Variants in OSBPL6 observed in about 807,000 individuals in gnomAD.
The protein encoded by OSBPL6 is oxysterol-binding protein-related protein 6.
In OSBPL6, 49 loss-of-function variants were observed where a neutral mutation model predicts 125.8. The observed-to-expected ratio is 0.39, with a 90% CI of 0.31 to 0.49. OSBPL6 has a LOEUF of 0.49. Ranked by LOEUF, OSBPL6 falls within the 20% of genes least tolerant of loss-of-function variation. The probability of loss-of-function intolerance (pLI) is 0.88; values close to 1 mark genes in which losing one functional copy is unlikely to be tolerated. For synonymous variants in OSBPL6, 394 were observed against 391.8 expected (o/e 1.01, Z -0.07); for missense variants, 986 against 1,135.4 (o/e 0.87, Z 1.89).
chr2:178,289,204 G>T (rs1313270195), intron 2 of OSBPL6, among the ~76,000 whole-genome samples: 1 of 146,684 alleles, frequency 6.8e-6, no homozygotes, highest in African/African-American at 2.5e-5. Context: ...TTTTAGTAGA[G>T]ATGGGGTTTC....
chr2:178,306,869 T>G (rs1371978912), intron 3 of OSBPL6, among the ~76,000 whole-genome samples: 1 of 152,194 alleles, frequency 6.6e-6, no homozygotes, highest in Non-Finnish European at 1.5e-5. Flanking sequence ...TTGCAAGTTA[T>G]TTTTGTTATG....
intron 10 of OSBPL6, among the ~76,000 whole-genome samples, chr2:178,339,328 G>T (rs1366183846): frequency 6.6e-6 from 1 of 152,096 alleles, no homozygotes; most frequent in Non-Finnish European, 1.5e-5. Context: ...AATACATTCA[G>T]TATCTGAATT....
intron 2 of OSBPL6, among the ~76,000 whole-genome samples, chr2:178,302,553 A>G (rs1686392226): frequency 1.3e-5 from 2 of 152,214 alleles, no homozygotes; most frequent in Non-Finnish European, 2.9e-5. Flanking sequence ...AGGGCATCTC[A>G]TTCAACTTTA....
intron 1 of OSBPL6, among the ~76,000 whole-genome samples, chr2:178,266,029 C>T (rs549159319): frequency 6.6e-6 from 1 of 152,188 alleles, no homozygotes; most frequent in Non-Finnish European, 1.5e-5. Context: ...AGGGAACTGA[C>T]GGTTAGGCTG....
intron 17 of OSBPL6, 152 bp downstream of exon 17, chr2:178,383,429 G>A (rs886484612): frequency 1.7e-6 from 2 of 1,166,516 alleles, no homozygotes; most frequent in Admixed American, 2.9e-5. Flanking sequence ...AATCCGGCAA[G>A]GCCAAAACCT....
At chr2:178,229,851 GA>G (rs879927736) in intron 1 of OSBPL6, among the ~76,000 whole-genome samples, 3 of 151,756 alleles carry the variant, frequency 2.0e-5, no homozygotes, top group Non-Finnish European at 2.9e-5. Context: ...GAAAGAAAAA[GA>G]AAAAAAAGAA....
intron 2 of OSBPL6, among the ~76,000 whole-genome samples, chr2:178,295,188 T>A (rs1685637327): frequency 6.6e-6 from 1 of 152,156 alleles, no homozygotes; most frequent in African/African-American, 2.4e-5. Context: ...GCAATTAAAT[T>A]CAGAATGTCC....
At chr2:178,355,175 A>T (rs1691662373) in intron 12 of OSBPL6, among the ~76,000 whole-genome samples, 1 of 152,220 alleles carries the variant, frequency 6.6e-6, no homozygotes, top group Non-Finnish European at 1.5e-5. Context: ...CAATTAAAAG[A>T]ACTAGAGAAG....
At chr2:178,250,908 C>A (rs1352051151) in intron 1 of OSBPL6, among the ~76,000 whole-genome samples, 2 of 151,780 alleles carry the variant, frequency 1.3e-5, no homozygotes, top group East Asian at 1.9e-4. Flanking sequence ...TCTTATGCAC[C>A]CTTGAACCTC....
rs192470627 is a variant in OSBPL6 at position 178,195,667 on chromosome 2, C to G, written c.-351+993C>G. Among the ~76,000 whole-genome samples the G allele has an allele frequency of 6.1e-3, 925 of 152,256 alleles. 5 individuals carry two copies. The highest frequency in any genetic ancestry group is 9.7e-3 in the Non-Finnish European group (661 of 68,028). On this transcript the variant is annotated intron_variant, in intron 1 of 24. Coordinates refer to ENST00000190611, the MANE Select transcript of OSBPL6 (RefSeq NM_032523.4). ...CATAATGGACATGAAGCAAATGACA[C>G]GAAACTAAGTGAACCCACTGGGTTG...
At chr2:178,331,525 G>A in intron 5 of OSBPL6, 27 bp from the exon 6 acceptor site, 13 of 1,613,018 alleles carry the variant, frequency 8.1e-6, no homozygotes, top group Non-Finnish European at 1.1e-5. Context: ...AATACAGACA[G>A]TAACTGGGGG....
chr2:178,270,157 A>C (rs2092344920), intron 1 of OSBPL6, among the ~76,000 whole-genome samples: 1 of 152,168 alleles, frequency 6.6e-6, no homozygotes, highest in African/African-American at 2.4e-5. Flanking sequence ...ACAGGTCTGC[A>C]CCATGGAGAA....
intron 1 of OSBPL6, among the ~76,000 whole-genome samples, chr2:178,240,967 A>G (rs1414092544): frequency 6.6e-6 from 1 of 152,182 alleles, no homozygotes; most frequent in African/African-American, 2.4e-5. Context: ...ATAGTGGGAA[A>G]TAATTATTGA....
chr2:178,237,396 A>G (rs996011406), intron 1 of OSBPL6, among the ~76,000 whole-genome samples: 1 of 151,930 alleles, frequency 6.6e-6, no homozygotes, highest in African/African-American at 2.4e-5. Flanking sequence ...CTTACTGCCT[A>G]TGCTTTCATT....
At chr2:178,247,015 CA>C (rs371171995) in intron 1 of OSBPL6, among the ~76,000 whole-genome samples, 4,551 of 39,204 alleles carry the variant, frequency 0.12, 151 homozygotes, top group African/African-American at 0.41. Context: ...TGCCCCTCCC[CA>C]CCCCCCCATG....
intron 1 of OSBPL6, among the ~76,000 whole-genome samples, chr2:178,275,101 C>A (rs1261117923): frequency 1.3e-5 from 2 of 152,010 alleles, no homozygotes; most frequent in Non-Finnish European, 2.9e-5. Context: ...GAGATAATGA[C>A]TGGGAGTAGA....
chr2:178,348,573 G>A (rs1047753802), intron 11 of OSBPL6, among the ~76,000 whole-genome samples: 1 of 152,092 alleles, frequency 6.6e-6, no homozygotes. Flanking sequence ...TCTCAGTATT[G>A]GCTGGTTCAT....
chr2:178,319,002 A>G (rs1688008642), intron 3 of OSBPL6, among the ~76,000 whole-genome samples: 1 of 152,218 alleles, frequency 6.6e-6, no homozygotes, highest in South Asian at 2.1e-4. Flanking sequence ...CTTGTAAGGT[A>G]GATATTATTA....
chr2:178,387,167 C>T (rs779031324), intron 20 of OSBPL6, 28 bp downstream of exon 20: 1 of 1,517,442 alleles, frequency 6.6e-7, no homozygotes, highest in Non-Finnish European at 9.1e-7. Flanking sequence ...CCCTTTTGGC[C>T]TCTTGTCTGC....
Sources: allele counts gnomAD v4.1 joint callset (sites outside exome capture counted in the v4.1 genomes callset), GRCh38; gene constraint gnomAD v4.1.1; transcripts MANE v1.5; gene names NCBI Gene and HGNC (gene_info 2026-07-23, HGNC 2026-07-21).